The following CACNA1E variants were observed in gnomAD, a reference collection of about 807,000 sequenced individuals.
CACNA1E encodes the protein calcium voltage-gated channel subunit alpha1 E.
Under a neutral mutation model 259.2 loss-of-function variants are expected in CACNA1E, and 40 were observed. The ratio of observed to expected loss-of-function variants is 0.15; its 90% CI spans 0.12 to 0.20. The LOEUF is 0.20. Ranked by LOEUF, CACNA1E falls within the 10% of genes least tolerant of loss-of-function variation. The pLI is 1.00. For missense variants in CACNA1E, 1,874 were observed against 3,040.1 expected (o/e 0.62, Z 9.02); for synonymous variants, 1,104 against 1,138.5 (o/e 0.97, Z 0.61).
intron 1 of CACNA1E, among the ~76,000 whole-genome samples, chr1:181,321,792 G>A (rs144307427): frequency 6.6e-6 from 1 of 152,328 alleles, no homozygotes; most frequent in African/African-American, 2.4e-5. Context: ...TACTGCGTGG[G>A]AGACTTCATT....
intron 2 of CACNA1E, 101 bp from the exon 3 acceptor site, chr1:181,511,270 G>A (rs959208644): frequency 1.2e-5 from 17 of 1,389,966 alleles, no homozygotes; most frequent in Non-Finnish European, 1.5e-5. Flanking sequence ...ACATGGGCAG[G>A]CCCAGCACAG....
intron 1 of CACNA1E, among the ~76,000 whole-genome samples, chr1:181,387,640 G>T (rs1655948505): frequency 6.6e-6 from 1 of 152,206 alleles, no homozygotes; most frequent in Non-Finnish European, 1.5e-5. Flanking sequence ...AGTGCAGATG[G>T]TGTTGCCCCA....
rs1157255248 is a variant in CACNA1E, at chr1:181,785,839, C to T, written c.5786+20C>T. The T allele has an allele frequency of 1.3e-6, 2 of 1,499,746 alleles. No individual in the cohort carries two copies. Among genetic ancestry groups the T allele is most frequent in the Non-Finnish European group, 1.8e-6 (2 of 1,088,684 alleles). The allele number at this position is 1,499,746 out of a possible 1,614,324, so 92.9% of individuals were successfully genotyped here. ...AGGCCTGTGAGTAGCACCAAAACATCCCTGGCATGGCTGTTTGCAATCTGT... is the reference window on the plus strand; with the variant it reads ...AGGCCTGTGAGTAGCACCAAAACATTCCTGGCATGGCTGTTTGCAATCTGT... On this transcript the variant is annotated intron_variant, in intron 43 of 47. Coordinates refer to ENST00000367573, the MANE Select transcript of CACNA1E (RefSeq NM_001205293.3).
rs897291268 is a variant in CACNA1E, at chr1:181,808,013, C to G, written c.*9179C>G. 6.6e-6 allele frequency: 1 copy of G among 152,054 alleles called. No homozygotes were observed. The highest frequency in any genetic ancestry group is 1.5e-5 in the Non-Finnish European group (1 of 68,008). The allele number at this position is 152,054 out of a possible 1,614,324, so 9.4% of individuals were successfully genotyped here. A position where few individuals can be genotyped will look rare whatever the true frequency, so the allele number is the denominator to read the frequency against. On this transcript the variant is annotated 3_prime_UTR_variant, in exon 48 of 48. Transcript: ENST00000367573. ...ATTTCTGTTCTTGTTTTCTTCTAAC[C>G]TAGAACTCAGGTCCACAGTTTTCCA...
Position 181,804,943 on chromosome 1 carries a change from G to C in CACNA1E, c.*6109G>C, listed in dbSNP as rs1030984564. On this transcript the variant is annotated 3_prime_UTR_variant, in exon 48 of 48. Transcript: ENST00000367573. ...TCTAATTAAAAAAAAAAAAAACCTAGGCTTTTTTTTTTCTATCCAGAAAGT... is the reference window on the plus strand; with the variant it reads ...TCTAATTAAAAAAAAAAAAAACCTACGCTTTTTTTTTTCTATCCAGAAAGT... 2 of 148,716 alleles carry C rather than the reference G, an allele frequency of 1.3e-5. No individual in the cohort carries two copies. The highest frequency in any genetic ancestry group is 4.9e-5 in the African/African-American group (2 of 40,626). 9.2% of individuals were successfully genotyped at this position (148,716 alleles called of 1,614,324 possible). A position where few individuals can be genotyped will look rare whatever the true frequency, so the allele number is the denominator to read the frequency against.
At chr1:181,572,164 T>C (rs1001295502) in intron 3 of CACNA1E, among the ~76,000 whole-genome samples, 2 of 152,148 alleles carry the variant, frequency 1.3e-5, no homozygotes, top group Non-Finnish European at 2.9e-5. Flanking sequence ...TGAAAAGATA[T>C]TATAGACCTG....
intron 32 of CACNA1E, among the ~76,000 whole-genome samples, chr1:181,761,414 A>C (rs1392933859): frequency 6.6e-6 from 1 of 152,214 alleles, no homozygotes; most frequent in Admixed American, 6.5e-5. Context: ...GAGTTGAAAG[A>C]ATGCCAAAGG....
At position 181,732,435 on chromosome 1, in the gene CACNA1E, C is replaced by G; in HGVS notation, c.2349C>G (p.Ser783Arg). The G allele has an allele frequency of 6.5e-7, 1 of 1,548,006 alleles. No individual in the cohort carries two copies. The highest frequency in any genetic ancestry group is 8.7e-7 in the Non-Finnish European group (1 of 1,145,280). ...HHMSVWEQRT[S>R]QLRKHMQMSS... ...TGTCCGTGTGGGAGCAGCGTACCAG[C>G]CAGCTGAGGAAGCACATGCAGATGT... is the stretch of plus-strand genomic sequence containing the variant. Residue 783 changes from serine (S) to arginine (R), a missense_variant, in exon 20 of 48, where the codon AGC (serine) becomes AGG (arginine). By Grantham distance (110) the Ser-to-Arg change is moderately radical. Transcript: ENST00000367573. The surrounding 1 kb of genome is among the most constrained non-coding windows in gnomAD (Gnocchi z 5.5).
At chr1:181,551,447 G>T (rs1037703892) in intron 3 of CACNA1E, among the ~76,000 whole-genome samples, 1 of 152,216 alleles carries the variant, frequency 6.6e-6, no homozygotes, top group African/African-American at 2.4e-5. Context: ...TGAAGCTTTT[G>T]ACAGTTTGTT....
At chr1:181,350,173 G>T (rs1210088710) in intron 1 of CACNA1E, among the ~76,000 whole-genome samples, 2 of 152,212 alleles carry the variant, frequency 1.3e-5, no homozygotes, top group Admixed American at 1.3e-4. Context: ...TATGCAGGCA[G>T]CCTTCCCTAA....
At chr1:181,483,060 A>G (rs1663433524), upstream of CACNA1E, among the ~76,000 whole-genome samples, 2 of 152,216 alleles carry the variant, frequency 1.3e-5, no homozygotes, top group Admixed American at 1.3e-4. Context: ...AGGAACCTCA[A>G]TATCGCTCTC....
At chr1:181,733,246 G>A (rs185490806) in intron 20 of CACNA1E, among the ~76,000 whole-genome samples, 191 bp from the exon 21 acceptor site, 312 of 152,354 alleles carry the variant, frequency 2.0e-3, no homozygotes, top group African/African-American at 7.3e-3. Context: ...TGGATAGAAG[G>A]ATGGGAATAA....
At chr1:181,663,164 C>A (rs1647857570) in intron 7 of CACNA1E, among the ~76,000 whole-genome samples, 2 of 152,270 alleles carry the variant, frequency 1.3e-5, no homozygotes, top group South Asian at 4.1e-4. Flanking sequence ...TAATTTAATA[C>A]TACTAAAGAT....
chr1:181,324,783 G>A (rs1650639829), intron 1 of CACNA1E, among the ~76,000 whole-genome samples: 1 of 152,170 alleles, frequency 6.6e-6, no homozygotes, highest in African/African-American at 2.4e-5. Flanking sequence ...GGGTACAGAG[G>A]GATGGAGAGG....
Position 181,798,782 on chromosome 1 carries a change from G to A in CACNA1E, c.6890G>A (p.Cys2297Tyr). ...RRGGPGPGMM[C>Y]GAVNNLLSDT... ...GGGGGGCCTGGGCCAGGCATGATGT[G>A]TGGGGCTGTCAACAACCTGCTAAGT... Residue 2297 changes from cysteine to tyrosine, a missense_variant, in exon 48 of 48, where the codon TGT becomes TAT. Around this residue, in one of 14 missense-constraint regions of CACNA1E, gnomAD observed 542 missense variants for 587.2 expected, o/e 0.92. Coordinates refer to ENST00000367573, the MANE Select transcript of CACNA1E (RefSeq NM_001205293.3). This position sits in a 1 kb window ranked among gnomAD's most constrained non-coding sequence, Gnocchi z 4.2. 7 of 1,568,528 alleles carry A rather than the reference G, an allele frequency of 4.5e-6. No homozygotes were observed. The highest frequency in any genetic ancestry group is 6.1e-6 in the Non-Finnish European group (7 of 1,156,874).
intron 1 of CACNA1E, among the ~76,000 whole-genome samples, chr1:181,411,882 T>C (rs1657874336): frequency 6.6e-6 from 1 of 152,256 alleles, no homozygotes; most frequent in Non-Finnish European, 1.5e-5. Flanking sequence ...AGTGCTGGGA[T>C]TATAGGCGTG....
chr1:181,516,915 G>A (rs547684645), intron 3 of CACNA1E, among the ~76,000 whole-genome samples: 1 of 152,288 alleles, frequency 6.6e-6, no homozygotes, highest in Non-Finnish European at 1.5e-5. Context: ...ACATGGTGTA[G>A]ACTCTGGGGA....
chr1:181,572,563 AC>A (rs1202920252), intron 3 of CACNA1E, among the ~76,000 whole-genome samples: 1 of 151,862 alleles, frequency 6.6e-6, no homozygotes, highest in African/African-American at 2.4e-5. Context: ...GGCATTAAGC[AC>A]CCCCCTGTAT....
At chr1:181,596,911 G>A (rs1653231104) in intron 6 of CACNA1E, among the ~76,000 whole-genome samples, 1 of 152,030 alleles carries the variant, frequency 6.6e-6, no homozygotes, top group Non-Finnish European at 1.5e-5. Context: ...AGGGGCCTAG[G>A]TGTCCAAAAA....
Sources: gnomAD v4.1 joint callset for allele counts (sites outside exome capture counted in the v4.1 genomes callset) on GRCh38, gnomAD v4.1.1 for gene constraint, gnomAD v4.1.1 regional missense constraint, Gnocchi (gnomAD v3.1) non-coding constraint, MANE v1.5 for transcripts, NCBI Gene and HGNC (gene_info 2026-07-23, HGNC 2026-07-21) for gene names.